Variants in HSD17B12 observed in about 807,000 individuals in gnomAD.
HSD17B12 encodes the protein very-long-chain 3-oxoacyl-CoA reductase.
HSD17B12 carries 32 observed loss-of-function variants against 39.3 expected under a neutral mutation model. The observed-to-expected ratio is 0.81, with a 90% CI of 0.61 to 1.09. The LOEUF is 1.09. Ranked by LOEUF, HSD17B12 falls within the 50% of genes least tolerant of loss-of-function variation. The probability of loss-of-function intolerance (pLI) is 0.00; values close to 1 mark genes in which losing one functional copy is unlikely to be tolerated. For missense variants in HSD17B12, 342 were observed against 382.9 expected (o/e 0.89, Z 0.89); for synonymous variants, 150 against 146.7 (o/e 1.02, Z -0.16).
intron 9 of HSD17B12, among the ~76,000 whole-genome samples, chr11:43,844,215 A>G (rs890465301): frequency 2.6e-5 from 4 of 152,154 alleles, no homozygotes; most frequent in African/African-American, 9.7e-5. Context: ...AAGAGGGTAT[A>G]TTGTTCAAAT....
chr11:43,763,944 C>T lies in HSD17B12; in HGVS notation c.283+9823C>T, dbSNP rs11037608. Among the ~76,000 whole-genome samples the T allele has an allele frequency of 5.0e-3, 762 of 152,052 alleles. 7 individuals carry two copies. The highest frequency in any genetic ancestry group is 0.044 in the East Asian group (230 of 5,176). The stretch of plus-strand genomic sequence containing the variant: ...TGATCATTGTTGATACCACGTTTGT[C>T]CAAGAGGTGATATTTGAAAGTTTTC... On this transcript the variant is annotated intron_variant, in intron 3 of 10. Coordinates refer to ENST00000278353, the MANE Select transcript of HSD17B12 (RefSeq NM_016142.3).
chr11:43,804,644 T>A (rs896710154), intron 4 of HSD17B12, among the ~76,000 whole-genome samples: 3 of 152,212 alleles, frequency 2.0e-5, no homozygotes, highest in African/African-American at 7.2e-5. Context: ...GTGCCACCAC[T>A]TTCCTCATTA....
chr11:43,850,860 G>A (rs994423576), intron 9 of HSD17B12, among the ~76,000 whole-genome samples: 3 of 152,168 alleles, frequency 2.0e-5, no homozygotes, highest in Admixed American at 1.3e-4. Flanking sequence ...TCGGGAGTTC[G>A]AGACCAGCCT....
At chr11:43,804,100 C>CT (rs1484136074) in intron 4 of HSD17B12, among the ~76,000 whole-genome samples, 1 of 152,064 alleles carries the variant, frequency 6.6e-6, no homozygotes, top group African/African-American at 2.4e-5. Flanking sequence ...ACTACTATGA[C>CT]TTTTTTAACT....
chr11:43,624,586 T>G, the HSD17B12 span, among the ~76,000 whole-genome samples: 13 of 151,802 alleles, frequency 8.6e-5, no homozygotes, highest in African/African-American at 2.9e-4. Context: ...GGGTAGACAT[T>G]GATAGATATT....
chr11:43,742,752 G>C (rs112886532), intron 1 of HSD17B12, among the ~76,000 whole-genome samples: 1 of 150,012 alleles, frequency 6.7e-6, no homozygotes, highest in African/African-American at 2.5e-5. Flanking sequence ...CAGTTTTTTT[G>C]TGTGTGTGTT....
rs867820061 is a variant in HSD17B12 at position 43,681,188 on chromosome 11, G to A, written c.160+201G>A. The A allele has an allele frequency of 8.1e-6, 11 of 1,351,852 alleles. No individual in the cohort carries two copies. The Middle Eastern group carries it at 8.2e-4, about 101-fold the overall frequency. The allele number at this position is 1,351,852 out of a possible 1,614,324, so 83.7% of individuals were successfully genotyped here. On this transcript the variant is annotated intron_variant, in intron 1 of 10. Coordinates refer to ENST00000278353, the MANE Select transcript of HSD17B12 (RefSeq NM_016142.3). ...GACTACTTGCAGAGTTTTAAGGTAC[G>A]AAATACACTGCTCGCTCAATCCTGG... is the stretch of plus-strand genomic sequence containing the variant.
At chr11:43,767,263 G>A (rs779557028) in intron 3 of HSD17B12, among the ~76,000 whole-genome samples, 4 of 151,952 alleles carry the variant, frequency 2.6e-5, no homozygotes, top group Non-Finnish European at 4.4e-5. Flanking sequence ...TATTAAATGA[G>A]TACCATTTAA....
At chr11:43,611,099 A>G in the HSD17B12 span, among the ~76,000 whole-genome samples, 1 of 152,350 alleles carries the variant, frequency 6.6e-6, no homozygotes, top group Non-Finnish European at 1.5e-5. Context: ...AGTATGTCAA[A>G]CCGTGAATCC....
intron 3 of HSD17B12, among the ~76,000 whole-genome samples, chr11:43,774,214 T>C (rs1418748913): frequency 6.6e-6 from 1 of 151,976 alleles, no homozygotes; most frequent in Non-Finnish European, 1.5e-5. Context: ...TGTAAGACTT[T>C]GTAATTTTTT....
At chr11:43,808,266 A>G (rs573112671) in intron 4 of HSD17B12, among the ~76,000 whole-genome samples, 1 of 150,972 alleles carries the variant, frequency 6.6e-6, no homozygotes, top group Admixed American at 6.6e-5. Flanking sequence ...GTAGACAATC[A>G]TGGCAAAGAG....
chr11:43,789,693 A>G (rs1950848870), intron 3 of HSD17B12, among the ~76,000 whole-genome samples: 2 of 152,204 alleles, frequency 1.3e-5, no homozygotes, highest in South Asian at 4.1e-4. Flanking sequence ...TCATGCCTGT[A>G]ATCCCAGCAC....
At chr11:43,674,757 C>T in the HSD17B12 span, among the ~76,000 whole-genome samples, 1 of 152,282 alleles carries the variant, frequency 6.6e-6, no homozygotes, top group Non-Finnish European at 1.5e-5. Context: ...CACATCAAAG[C>T]CTTCATTCCG....
In HSD17B12 at chr11:43,798,352, G is replaced by A. The variant is rs776129001; in HGVS notation, c.316G>A (p.Ala106Thr). 6.2e-7 allele frequency: 1 copy of A among 1,611,898 alleles called. No individual in the cohort carries two copies. The highest frequency in any genetic ancestry group is 8.5e-7 in the Non-Finnish European group (1 of 1,178,624). ...EKFKVETRTI[A>T]VDFASEDIYD... is the part of the protein sequence containing the mutation. ...ATTCAAAGTGGAGACAAGAACCATT[G>A]CTGTTGACTTTGCATCAGAAGATAT... The change falls in exon 4 of 11, where the codon GCT (alanine) becomes ACT (threonine). Residue 106 changes from alanine to threonine, a missense_variant. By Grantham distance (58) the Ala-to-Thr change is moderately conservative. Coordinates refer to ENST00000278353, the MANE Select transcript of HSD17B12 (RefSeq NM_016142.3).
At chr11:43,578,546 C>T in the HSD17B12 span, among the ~76,000 whole-genome samples, 1 of 152,176 alleles carries the variant, frequency 6.6e-6, no homozygotes, top group Admixed American at 6.5e-5. Flanking sequence ...CAGTTCAAAC[C>T]AAAGCTGCTC....
the HSD17B12 span, among the ~76,000 whole-genome samples, chr11:43,570,643 T>C: frequency 6.6e-6 from 1 of 152,182 alleles, no homozygotes; most frequent in African/African-American, 2.4e-5. Flanking sequence ...CAGACATAGA[T>C]GTTAGTCCAG....
the HSD17B12 span, chr11:43,579,058 C>T: frequency 1.4e-5 from 2 of 144,000 alleles, no homozygotes; most frequent in Admixed American, 1.4e-4. Flanking sequence ...TGGAGACGTC[C>T]CCTACATGGG....
chr11:43,611,671 T>A, the HSD17B12 span, among the ~76,000 whole-genome samples: 4 of 152,230 alleles, frequency 2.6e-5, no homozygotes, highest in Admixed American at 2.0e-4. Context: ...AGGTGACAGC[T>A]GGGGCTGGAG....
chr11:43,789,950 C>A (rs1255247399), intron 3 of HSD17B12, among the ~76,000 whole-genome samples: 2 of 152,036 alleles, frequency 1.3e-5, no homozygotes, highest in African/African-American at 2.4e-5. Flanking sequence ...CTGCCTCCCC[C>A]CCGCAAAAAA....
Sources: gnomAD v4.1 joint callset for allele counts (sites outside exome capture counted in the v4.1 genomes callset) on GRCh38, gnomAD v4.1.1 for gene constraint, MANE v1.5 for transcripts, NCBI Gene and HGNC (gene_info 2026-07-23, HGNC 2026-07-21) for gene names.